ACBD4: variants seen among roughly 807,000 people sequenced by gnomAD.
ACBD4 encodes acyl-CoA-binding domain-containing protein 4.
In ACBD4, 41 loss-of-function variants were observed where a neutral mutation model predicts 46.0. The observed-to-expected ratio is 0.89, with a 90% CI of 0.69 to 1.16. The LOEUF is 1.16. Among genes scored for constraint, ACBD4 ranks in the 50% most tolerant of loss-of-function variants. The pLI is 0.00. For missense variants in ACBD4, 393 were observed against 399.5 expected (o/e 0.98, Z 0.14); for synonymous variants, 162 against 155.9 (o/e 1.04, Z -0.29).
In ACBD4 at chr17:45,143,448, G is replaced by A. The variant is rs368180463; in HGVS notation, c.795G>A (p.Pro265=). The part of the protein sequence containing the change: ...ESMPRPPEQR[P]QPRPSARPWP... ...TCCCTCCCTCTTGGCTGCAGAGGCC[G>A]CAGCCCAGGCCCAGTGCTCGGCCAT... Residue 265 remains proline (P), a synonymous_variant, in exon 10 of 10, where the codon CCG becomes CCA. Transcript: ENST00000321854. 14 of 1,607,434 alleles carry A rather than the reference G, an allele frequency of 8.7e-6. No homozygotes were observed. Among genetic ancestry groups the A allele is most frequent in the Non-Finnish European group, 1.1e-5 (13 of 1,178,562 alleles).
At position 45,137,846 on chromosome 17, in the gene ACBD4, A is replaced by C; in HGVS notation, c.573+16A>C. ...GCCTGAGCTGGTGAGCCCAGTCCCC[A>C]TTCCCCCCTTTTCCCACCCCACTGT... On this transcript the variant is annotated intron_variant, in intron 7 of 9. Transcript: ENST00000321854. The C allele has an allele frequency of 1.9e-6, 3 of 1,611,780 alleles. No homozygotes were observed. The highest frequency in any genetic ancestry group is 2.5e-6 in the Non-Finnish European group (3 of 1,178,602).
chr17:45,137,427 C>T lies in ACBD4; in HGVS notation c.475C>T (p.Pro159Ser). The change falls in exon 6 of 10, where the codon CCC (proline) becomes TCC (serine). Residue 159 changes from proline (P) to serine (S), a missense_variant. Pro to Ser is a moderately conservative substitution (Grantham distance 74). This residue lies in a region of ACBD4 where 308 missense variants were observed against 301.8 expected (regional missense o/e 1.02). Coordinates refer to ENST00000321854, the MANE Select transcript of ACBD4 (RefSeq NM_001135705.3). ...GGCTGTTTCAGAGCCTCCCTGCCTC[C>T]CCAAGGAACCGGCACCCCCAAGCCC... ...VGAVSEPPCL[P>S]KEPAPPSPES... 1 of 1,614,062 alleles carries T rather than the reference C, an allele frequency of 6.2e-7. No individual in the cohort carries two copies. The highest frequency in any genetic ancestry group is 2.2e-5 in the East Asian group (1 of 44,866).
In ACBD4 at chr17:45,137,581, G is replaced by A. The variant is rs375050946; in HGVS notation, c.502+127G>A. The A allele has an allele frequency of 3.2e-5, 43 of 1,359,032 alleles. No homozygotes were observed. The African/African-American group carries it at 3.3e-4, about 10-fold the overall frequency. The allele number at this position is 1,359,032 out of a possible 1,614,324, so 84.2% of individuals were successfully genotyped here. A position where few individuals can be genotyped will look rare whatever the true frequency, so the allele number is the denominator to read the frequency against. On this transcript the variant is annotated intron_variant, in intron 6 of 9. Transcript: ENST00000321854. Reference sequence around the variant, plus strand: ...TCCTGTGCTCCCAAAGGTGGGGACCGGGGTCTAGGATTCCTGTTCCAGGGC... The same window carrying A: ...TCCTGTGCTCCCAAAGGTGGGGACCAGGGTCTAGGATTCCTGTTCCAGGGC...
intron 8 of ACBD4, 43 bp downstream of exon 8, chr17:45,138,031 G>A (rs372153310): frequency 1.0e-5 from 16 of 1,572,224 alleles, no homozygotes; most frequent in African/African-American, 1.4e-5. Flanking sequence ...GCCCTTTCCC[G>A]TGGTCCTGGC....
At chr17:45,132,244 T>C (rs977034788), upstream of ACBD4, 2 of 1,272,012 alleles carry the variant, frequency 1.6e-6, no homozygotes, top group Non-Finnish European at 2.0e-6. The surrounding 1 kb of genome is among the most constrained non-coding windows in gnomAD (Gnocchi z 4.6). Context: ...TGCCCGTCAC[T>C]GACCCATCTT....
chr17:45,140,783 C>T (rs2055221379), intron 9 of ACBD4, among the ~76,000 whole-genome samples: 4 of 152,146 alleles, frequency 2.6e-5, no homozygotes, highest in African/African-American at 7.2e-5. Flanking sequence ...GAGGCCAAGG[C>T]GTGTGGATCA....
In ACBD4 at chr17:45,143,773, A is replaced by C. The variant is rs2055437920; in HGVS notation, c.*202A>C. Reference sequence around the variant, plus strand: ...CAGGGACGCTTCCTTCCCTCCCCGCAACCACCCCAGGCTCCCCTGGGAGGC... The same window carrying C: ...CAGGGACGCTTCCTTCCCTCCCCGCCACCACCCCAGGCTCCCCTGGGAGGC... On this transcript the variant is annotated 3_prime_UTR_variant, in exon 10 of 10. Transcript: ENST00000321854. 1.2e-6 allele frequency: 1 copy of C among 853,876 alleles called. No homozygotes were observed. The highest frequency in any genetic ancestry group is 1.8e-6 in the Non-Finnish European group (1 of 562,856). 52.9% of individuals were successfully genotyped at this position (853,876 alleles called of 1,614,324 possible). A position where few individuals can be genotyped will look rare whatever the true frequency, so the allele number is the denominator to read the frequency against.
At chr17:45,142,419 AGAAAGAAAGAAAG>A (rs1471145755) in intron 9 of ACBD4, among the ~76,000 whole-genome samples, 1 of 127,024 alleles carries the variant, frequency 7.9e-6, no homozygotes, top group Admixed American at 8.2e-5. Flanking sequence ...AAAAAAAAAA[AGAAAGAAAGAAAG>A]AAAAAGAAAG....
intron 4 of ACBD4, 65 bp downstream of exon 4, chr17:45,136,841 C>T (rs935952100): frequency 3.1e-5 from 49 of 1,599,916 alleles, no homozygotes; most frequent in East Asian, 2.5e-4. Context: ...CCAGTTCTGA[C>T]CCCCACTACG....
chr17:45,132,411 G>A, upstream of ACBD4: 1 of 1,215,860 alleles, frequency 8.2e-7, no homozygotes, highest in Non-Finnish European at 1.0e-6. This position sits in a 1 kb window ranked among gnomAD's most constrained non-coding sequence, Gnocchi z 4.6. Context: ...CGCACAGCAT[G>A]GCTTGGCGGG....
chr17:45,141,309 G>A (rs2055258636), intron 9 of ACBD4, among the ~76,000 whole-genome samples: 1 of 152,064 alleles, frequency 6.6e-6, no homozygotes, highest in East Asian at 1.9e-4. Flanking sequence ...CCACCTTTTG[G>A]GTCTAATTAC....
At chr17:45,134,601 C>A (rs1053749512), upstream of ACBD4, among the ~76,000 whole-genome samples, 10 of 152,142 alleles carry the variant, frequency 6.6e-5, no homozygotes, top group South Asian at 2.1e-3. Context: ...ATGGTGAAAC[C>A]CCGTCTCTAC....
chr17:45,136,651 C>T (rs377441547), intron 3 of ACBD4, 31 bp downstream of exon 3: 7 of 1,613,878 alleles, frequency 4.3e-6, no homozygotes, highest in Admixed American at 3.3e-5. Context: ...GCAGACAAGC[C>T]TCAGCTGTCA....
At chr17:45,137,866 C>T (rs1377996483) in intron 7 of ACBD4, 36 bp downstream of exon 7, 3 of 1,612,734 alleles carry the variant, frequency 1.9e-6, no homozygotes, top group Non-Finnish European at 2.5e-6. Flanking sequence ...TTTCCCACCC[C>T]ACTGTGCTCC....
Position 45,143,743 on chromosome 17 carries a change from C to A in ACBD4, c.*172C>A. ...AATAAGACCCCACCCCTCCCTGCAG[C>A]TTCACAGGGACGCTTCCTTCCCTCC... On this transcript the variant is annotated 3_prime_UTR_variant, in exon 10 of 10. Coordinates refer to ENST00000321854, the MANE Select transcript of ACBD4 (RefSeq NM_001135705.3). The A allele has an allele frequency of 9.1e-7, 1 of 1,098,544 alleles. No homozygotes were observed. The highest frequency in any genetic ancestry group is 1.3e-6 in the Non-Finnish European group (1 of 770,742). 68.0% of individuals were successfully genotyped at this position (1,098,544 alleles called of 1,614,324 possible).
chr17:45,141,948 CTT>C (rs1380751442), intron 9 of ACBD4, among the ~76,000 whole-genome samples: 1 of 151,736 alleles, frequency 6.6e-6, no homozygotes, highest in Non-Finnish European at 1.5e-5. Context: ...AAAAAGCTGA[CTT>C]TTAAATGCTA....
rs1191900841 is a variant in ACBD4, at chr17:45,144,141, C to T, written c.*570C>T. The T allele has an allele frequency of 6.5e-6, 1 of 153,296 alleles. No homozygotes were observed. The highest frequency in any genetic ancestry group is 2.4e-5 in the African/African-American group (1 of 41,476). The allele number at this position is 153,296 out of a possible 1,614,324, so 9.5% of individuals were successfully genotyped here. On this transcript the variant is annotated 3_prime_UTR_variant, in exon 10 of 10. Coordinates refer to ENST00000321854, the MANE Select transcript of ACBD4 (RefSeq NM_001135705.3). ...GACGTCTTCATTGAAGATTCACTTA[C>T]AAAGGAATGTTTCACTAAATAAAAG...
At chr17:45,139,657 C>T (rs952324841) in intron 9 of ACBD4, among the ~76,000 whole-genome samples, 4 of 152,194 alleles carry the variant, frequency 2.6e-5, no homozygotes, top group Non-Finnish European at 5.9e-5. Context: ...GCGAAACACT[C>T]ATGGGCATCT....
chr17:45,142,394 A>AAAAAAAAAAAAAAAAAAAAAAAAAAG (rs2055338108), intron 9 of ACBD4, among the ~76,000 whole-genome samples: 1 of 142,786 alleles, frequency 7.0e-6, no homozygotes, highest in Non-Finnish European at 1.5e-5. Flanking sequence ...CTCCTCAAAA[A>AAAAAAAAAAAAAAAAAAAAAAAAAAG]AAAAAAAAAA....
Sources: gnomAD v4.1 joint callset for allele counts (sites outside exome capture counted in the v4.1 genomes callset) on GRCh38, gnomAD v4.1.1 for gene constraint, gnomAD v4.1.1 regional missense constraint, Gnocchi (gnomAD v3.1) non-coding constraint, MANE v1.5 for transcripts, NCBI Gene and HGNC (gene_info 2026-07-23, HGNC 2026-07-21) for gene names.